TRAPPC9: variants seen among roughly 807,000 people sequenced by gnomAD.
The protein encoded by TRAPPC9 is IKK2 binding protein.
Under a neutral mutation model 124.0 loss-of-function variants are expected in TRAPPC9, and 83 were observed. The observed-to-expected ratio is 0.67, with a 90% confidence interval of 0.56 to 0.80. TRAPPC9 has a LOEUF of 0.80. TRAPPC9 is among the 30% of genes least tolerant of loss of function. The pLI is 0.00. For synonymous variants in TRAPPC9, 638 were observed against 617.5 expected (o/e 1.03, Z -0.49); for missense variants, 1,302 against 1,508.3 (o/e 0.86, Z 2.27).
chr8:140,445,073 ACAT>A (rs1265084429), intron 2 of TRAPPC9, among the ~76,000 whole-genome samples: 1 of 152,194 alleles, frequency 6.6e-6, no homozygotes, highest in Non-Finnish European at 1.5e-5. Flanking sequence ...CTCCGGACTC[ACAT>A]CCGATTGCCT....
At chr8:140,242,778 C>T (rs1015256506) in intron 16 of TRAPPC9, among the ~76,000 whole-genome samples, 11 of 152,194 alleles carry the variant, frequency 7.2e-5, no homozygotes, top group Admixed American at 2.6e-4. Context: ...GAAGCAGAGT[C>T]GGGAACAGTC....
At chr8:140,109,455 G>A (rs1287981552) in intron 17 of TRAPPC9, among the ~76,000 whole-genome samples, 1 of 152,064 alleles carries the variant, frequency 6.6e-6, no homozygotes, top group Non-Finnish European at 1.5e-5. Context: ...TCAAAAATAC[G>A]AAGAGAAAAC....
chr8:139,958,154 T>C (rs1208555632), intron 19 of TRAPPC9, among the ~76,000 whole-genome samples: 3 of 152,158 alleles, frequency 2.0e-5, no homozygotes, highest in South Asian at 2.1e-4. Context: ...GCAGCTGAGA[T>C]AGGCATCCCA....
At chr8:139,976,190 C>G (rs1446569894) in intron 19 of TRAPPC9, among the ~76,000 whole-genome samples, 1 of 152,078 alleles carries the variant, frequency 6.6e-6, no homozygotes. Flanking sequence ...CGCGCCTGGC[C>G]AGGGTTTTTT....
chr8:139,851,982 C>T (rs575379754), intron 21 of TRAPPC9, among the ~76,000 whole-genome samples: 1 of 152,152 alleles, frequency 6.6e-6, no homozygotes, highest in Non-Finnish European at 1.5e-5. Context: ...GGCTGTGTCC[C>T]CACCCAAATC....
chr8:140,110,954 T>C (rs1587729074), intron 17 of TRAPPC9, among the ~76,000 whole-genome samples: 1 of 53,620 alleles, frequency 1.9e-5, no homozygotes, highest in Non-Finnish European at 3.4e-5. Context: ...CTGCAGTAGC[T>C]CCCCCCTGCA....
chr8:140,014,802 A>AC, intron 18 of TRAPPC9, among the ~76,000 whole-genome samples: 1 of 151,806 alleles, frequency 6.6e-6, no homozygotes, highest in Non-Finnish European at 1.5e-5. Flanking sequence ...GGAATGTAAC[A>AC]CCCCCAGATA....
At position 139,774,129 on chromosome 8, in the gene TRAPPC9, G is replaced by A. The variant is rs907934587; in HGVS notation, c.3056-41927C>T. On this transcript the variant is annotated intron_variant, in intron 21 of 22. Coordinates refer to ENST00000438773, the MANE Select transcript of TRAPPC9 (RefSeq NM_001160372.4). ...GGACGCGGGCGAAGGCCACTGGGGCGGCAAGAAGGAGGAGGCCCCACGAAG... is the reference window on the plus strand; with the variant it reads ...GGACGCGGGCGAAGGCCACTGGGGCAGCAAGAAGGAGGAGGCCCCACGAAG... Among the ~76,000 whole-genome samples, 14 of 152,192 alleles carry A rather than the reference G, an allele frequency of 9.2e-5. No homozygotes were observed. The South Asian group carries it at 1.0e-3, about 11-fold the overall frequency.
chr8:139,841,747 C>A lies in TRAPPC9; in HGVS notation c.3055+44132G>T, dbSNP rs529125305. On this transcript the variant is annotated intron_variant, in intron 21 of 22. Coordinates refer to ENST00000438773, the MANE Select transcript of TRAPPC9 (RefSeq NM_001160372.4). ...GGAGGCACCCCCATGCTGGGCCCTG[C>A]CCACTCACGAGGAGCTCACTGGCTG... 3.5e-4 allele frequency among the ~76,000 whole-genome samples: 53 copies of A among 152,268 alleles called. No individual in the cohort carries two copies. In the South Asian group the frequency reaches 3.9e-3, roughly 11 times the overall value.
Position 139,898,583 on chromosome 8 carries a change from G to A in TRAPPC9, c.2964+11564C>T, listed in dbSNP as rs751138229. Among the ~76,000 whole-genome samples the A allele has an allele frequency of 1.1e-3, 167 of 152,070 alleles. 1 individual carries two copies. The highest frequency in any genetic ancestry group is 8.1e-4 in the Non-Finnish European group (55 of 68,016). ...GCACTGGAGGAAGCCACGCTTCCTC[G>A]GAGCAGCGGTCTTATGTGTGTGTTC... On this transcript the variant is annotated intron_variant, in intron 20 of 22. Transcript: ENST00000438773.
chr8:139,812,428 G>A (rs941410085), intron 21 of TRAPPC9, among the ~76,000 whole-genome samples: 1 of 152,112 alleles, frequency 6.6e-6, no homozygotes, highest in African/African-American at 2.4e-5. Context: ...CTACACCAGC[G>A]TACTCTATTT....
intron 5 of TRAPPC9, among the ~76,000 whole-genome samples, chr8:140,416,057 T>C (rs2069918323): frequency 1.3e-5 from 2 of 151,694 alleles, no homozygotes; most frequent in Non-Finnish European, 2.9e-5. Context: ...AAATAAAGAT[T>C]AGAGCAGAAA....
In TRAPPC9 at chr8:140,334,649, CTAAATAAA is replaced by C. The variant is rs61689098; in HGVS notation, c.1496-23283_1496-23276del. On this transcript the variant is annotated intron_variant, in intron 9 of 22. Transcript: ENST00000438773. ...TGGGCGACAGAGCGAGACTCTGTCA[CTAAATAAA>C]TAAATAAATAAATAAATAAATAAAT... is the stretch of plus-strand genomic sequence containing the variant. Among the ~76,000 whole-genome samples the C allele has an allele frequency of 7.3e-3, 1,062 of 146,012 alleles. 13 individuals are homozygous for C. Among genetic ancestry groups the C allele is most frequent in the African/African-American group, 0.019 (732 of 39,424 alleles).
At position 140,101,532 on chromosome 8, in the gene TRAPPC9, C is replaced by CTTTTTTTTTTTTTTTTTTT. The variant is rs1234280796; in HGVS notation, c.2557-77454_2557-77453insAAAAAAAAAAAAAAAAAAA. On this transcript the variant is annotated intron_variant, in intron 17 of 22. Transcript: ENST00000438773. ...ACTTGGGTTGGTTTTGTAGGGTTTT[C>CTTTTTTTTTTTTTTTTTTT]TTTTTTTTGTTTTTTTTTTTTTTTT... is the stretch of plus-strand genomic sequence containing the variant. Among the ~76,000 whole-genome samples the CTTTTTTTTTTTTTTTTTTT allele has an allele frequency of 6.4e-5, 5 of 78,720 alleles. 1 individual carries two copies. The highest frequency in any genetic ancestry group is 2.6e-4 in the African/African-American group (4 of 15,556). 51.6% of individuals were successfully genotyped at this position (78,720 alleles called of 152,430 possible).
chr8:140,089,116 T>G (rs1444469886), intron 17 of TRAPPC9, among the ~76,000 whole-genome samples: 1 of 152,172 alleles, frequency 6.6e-6, no homozygotes, highest in East Asian at 1.9e-4. Context: ...ACCTCATGAT[T>G]TAGCAAACCA....
chr8:140,150,896 T>C (rs567042437), intron 17 of TRAPPC9, among the ~76,000 whole-genome samples: 245 of 152,306 alleles, frequency 1.6e-3, no homozygotes, highest in African/African-American at 5.7e-3. Flanking sequence ...AGAAGTATGT[T>C]TGTTTCAATG....
chr8:140,405,363 C>A (rs1483833180), intron 6 of TRAPPC9: 5 of 489,590 alleles, frequency 1.0e-5, no homozygotes, highest in African/African-American at 9.8e-5. Flanking sequence ...AGCCTTTTTT[C>A]TCTCTTTTCC....
chr8:139,875,648 C>T (rs1022243956), intron 21 of TRAPPC9, among the ~76,000 whole-genome samples: 3 of 152,166 alleles, frequency 2.0e-5, no homozygotes, highest in Non-Finnish European at 4.4e-5. Context: ...TCATGGTCCC[C>T]AGGAAGTGGC....
At chr8:139,808,886 G>A (rs1410894432) in intron 21 of TRAPPC9, among the ~76,000 whole-genome samples, 1 of 152,158 alleles carries the variant, frequency 6.6e-6, no homozygotes, top group Non-Finnish European at 1.5e-5. Context: ...AAACACTTGA[G>A]CTGGCTATTT....
Sources: gnomAD v4.1 joint callset for allele counts (sites outside exome capture counted in the v4.1 genomes callset) on GRCh38, gnomAD v4.1.1 for gene constraint, MANE v1.5 for transcripts, NCBI Gene and HGNC (gene_info 2026-07-23, HGNC 2026-07-21) for gene names.